The following ZEB2 variants were observed in gnomAD, a reference collection of about 807,000 sequenced individuals.
The protein encoded by ZEB2 is zinc finger E-box-binding homeobox 2.
ZEB2 carries 6 observed loss-of-function variants against 99.9 expected under a neutral mutation model. That is an observed-to-expected ratio of 0.06 (90% CI 0.03 to 0.12). The LOEUF (loss-of-function observed/expected upper bound fraction) is 0.12, where lower values mean the gene tolerates loss of function less well. ZEB2 is among the 10% of genes least tolerant of loss of function. The probability of loss-of-function intolerance (pLI) is 1.00; values close to 1 mark genes in which losing one functional copy is unlikely to be tolerated. For synonymous variants in ZEB2, 517 were observed against 542.5 expected, an observed-to-expected ratio of 0.95 and a Z score of 0.65; for missense variants, 969 against 1,502.8, an observed-to-expected ratio of 0.64 and a Z score of 5.87.
At chr2:144,469,228 C>T (rs1327621904) in intron 2 of ZEB2, among the ~76,000 whole-genome samples, 1 of 152,106 alleles carries the variant, frequency 6.6e-6, no homozygotes, top group Non-Finnish European at 1.5e-5. Flanking sequence ...AATGATTTTT[C>T]TATACAGAAG....
chr2:144,457,636 C>T (rs1199557380), intron 2 of ZEB2, among the ~76,000 whole-genome samples: 1 of 151,972 alleles, frequency 6.6e-6, no homozygotes, highest in African/African-American at 2.4e-5. Context: ...AGGAAGAGGA[C>T]CTGGTATGTA....
Position 144,389,764 on chromosome 2 carries a change from G to C in ZEB2, c.3332C>G (p.Ala1111Gly). The C allele has an allele frequency of 6.2e-7, 1 of 1,608,674 alleles. No individual in the cohort carries two copies. The highest frequency in any genetic ancestry group is 8.5e-7 in the Non-Finnish European group (1 of 1,176,340). ...LEPTELLMNR[A>G]YLQSITPQGY... ...CTGAGGGGTAATGCTCTGCAAGTAAGCCCGGTTCATCAGCAGCTCGGTGGG... is the reference window on the plus strand; with the variant it reads ...CTGAGGGGTAATGCTCTGCAAGTAACCCCGGTTCATCAGCAGCTCGGTGGG... Residue 1111 changes from alanine (A) to glycine (G), a missense_variant, in exon 10 of 10, where the codon GCT becomes GGT. By Grantham distance (60) the Ala-to-Gly change is moderately conservative. This residue lies in a region of ZEB2 where 121 missense variants were observed against 166.4 expected (regional missense o/e 0.73). Transcript: ENST00000627532. This position sits in a 1 kb window ranked among gnomAD's most constrained non-coding sequence, Gnocchi z 6.8.
intron 8 of ZEB2, among the ~76,000 whole-genome samples, 179 bp downstream of exon 8, chr2:144,398,122 G>A (rs1703254328): frequency 6.6e-6 from 1 of 152,142 alleles, no homozygotes; most frequent in African/African-American, 2.4e-5. Context: ...TGTGCTTAGA[G>A]TACAGTGATC....
intron 2 of ZEB2, among the ~76,000 whole-genome samples, chr2:144,475,492 G>A (rs113895282): frequency 3.9e-5 from 6 of 152,150 alleles, no homozygotes; most frequent in South Asian, 4.1e-4. Context: ...ACATATGTGC[G>A]TGTATATATA....
rs548228446 is a variant in ZEB2 at position 144,386,437 on chromosome 2, A to C, written c.*3014T>G. 1 of 152,188 alleles carries C rather than the reference A, an allele frequency of 6.6e-6. No homozygotes were observed. The highest frequency in any genetic ancestry group is 1.5e-5 in the Non-Finnish European group (1 of 68,022). 9.4% of individuals were successfully genotyped at this position (152,188 alleles called of 1,614,324 possible). On this transcript the variant is annotated 3_prime_UTR_variant, in exon 10 of 10. Coordinates refer to ENST00000627532, the MANE Select transcript of ZEB2 (RefSeq NM_014795.4). The stretch of plus-strand genomic sequence containing the variant: ...GACATTGTAGTGATTGTCACAATTC[A>C]CAAGTGTTATCCTGATATTTTCAGA...
chr2:144,441,204 A>AGAGAGAGAGAGAGAGC, intron 2 of ZEB2, among the ~76,000 whole-genome samples: 1 of 150,958 alleles, frequency 6.6e-6, no homozygotes, highest in African/African-American at 2.4e-5. Flanking sequence ...AGAGAGAGAG[A>AGAGAGAGAGAGAGAGC]GAGAACCTCA....
At chr2:144,500,754 C>T (rs1284810179) in intron 2 of ZEB2, among the ~76,000 whole-genome samples, 2 of 152,172 alleles carry the variant, frequency 1.3e-5, no homozygotes, top group Non-Finnish European at 2.9e-5. Context: ...GGCCTGGGAG[C>T]TGGGGGCTGG....
chr2:144,463,860 CAAAA>C (rs559614826), intron 2 of ZEB2: 15 of 139,904 alleles, frequency 1.1e-4, no homozygotes, highest in South Asian at 2.3e-4. Flanking sequence ...AAACAAAAAA[CAAAA>C]AAAGAAAGAC....
At chr2:144,447,630 G>T (rs1704003039) in intron 2 of ZEB2, among the ~76,000 whole-genome samples, 1 of 152,146 alleles carries the variant, frequency 6.6e-6, no homozygotes, top group Non-Finnish European at 1.5e-5. Flanking sequence ...ACTGTACCAT[G>T]GTACTGGACT....
intron 2 of ZEB2, among the ~76,000 whole-genome samples, chr2:144,472,466 A>G (rs1297281948): frequency 6.6e-6 from 1 of 152,082 alleles, no homozygotes; most frequent in Non-Finnish European, 1.5e-5. Context: ...GGGGAGTCCT[A>G]TGAGATATGA....
intron 1 of ZEB2, 145 bp from the exon 2 acceptor site, chr2:144,517,564 C>T (rs1705179088): frequency 1.7e-6 from 1 of 585,372 alleles, no homozygotes; most frequent in African/African-American, 1.9e-5. Flanking sequence ...GGCCCCCTCC[C>T]CGCCCCCCAC....
At chr2:144,430,831 G>A (rs1703760469) in intron 2 of ZEB2, 1 of 152,274 alleles carries the variant, frequency 6.6e-6, no homozygotes, top group African/African-American at 2.4e-5. Flanking sequence ...AATAAGGTCT[G>A]TGAACTCAAT....
intron 2 of ZEB2, among the ~76,000 whole-genome samples, chr2:144,458,139 T>C (rs61294254): frequency 0.069 from 10,418 of 151,422 alleles, 1,078 homozygotes; most frequent in African/African-American, 0.22. Flanking sequence ...TACACACACA[T>C]ACACACACAA....
chr2:144,503,046 C>T lies in ZEB2; in HGVS notation c.73+14232G>A, dbSNP rs577591170. Among the ~76,000 whole-genome samples the T allele has an allele frequency of 4.5e-4, 69 of 152,238 alleles. 1 individual carries two copies. In the Middle Eastern group the frequency reaches 0.017, roughly 38 times the overall value. On this transcript the variant is annotated intron_variant, in intron 2 of 9. Coordinates refer to ENST00000627532, the MANE Select transcript of ZEB2 (RefSeq NM_014795.4). ...AGTGTTGGAAATAAATAATGACTTT[C>T]AACCAATGATCAAAGAAAAATAAAT...
chr2:144,455,806 T>C (rs984097697), intron 2 of ZEB2, among the ~76,000 whole-genome samples: 8 of 152,150 alleles, frequency 5.3e-5, no homozygotes, highest in African/African-American at 1.7e-4. Flanking sequence ...ACAGGATCGT[T>C]GGAAATGGGT....
At chr2:144,405,401 C>T (rs1703372864) in intron 4 of ZEB2, 1 of 222,894 alleles carries the variant, frequency 4.5e-6, no homozygotes. Context: ...TTTTAATAGT[C>T]TATCTGAAAT....
At chr2:144,457,011 C>CT (rs990532792) in intron 2 of ZEB2, among the ~76,000 whole-genome samples, 18 of 152,146 alleles carry the variant, frequency 1.2e-4, no homozygotes, top group African/African-American at 4.3e-4. Context: ...GCAGCACCCC[C>CT]CAAAGGTCTG....
At chr2:144,424,069 T>C (rs1040917200) in intron 4 of ZEB2, among the ~76,000 whole-genome samples, 1 of 152,162 alleles carries the variant, frequency 6.6e-6, no homozygotes, top group Admixed American at 6.5e-5. Context: ...TAAATTTGTG[T>C]TGGTGATGTA....
intron 2 of ZEB2, chr2:144,513,766 C>A (rs1200512799): frequency 6.5e-7 from 1 of 1,536,110 alleles, no homozygotes; most frequent in East Asian, 2.4e-5. Flanking sequence ...CAGGGCATCT[C>A]CCGCTCCGAG....
Sources: allele counts gnomAD v4.1 joint callset (sites outside exome capture counted in the v4.1 genomes callset), GRCh38; gene constraint gnomAD v4.1.1; regional missense constraint gnomAD v4.1.1; non-coding constraint Gnocchi (gnomAD v3.1); transcripts MANE v1.5; gene names NCBI Gene and HGNC (gene_info 2026-07-23, HGNC 2026-07-21).